Variants in HK2 observed in about 807,000 individuals in gnomAD.
HK2 encodes hexokinase 2, also known as hexokinase-2.
In HK2, 42 loss-of-function variants were observed where a neutral mutation model predicts 92.9. The observed-to-expected ratio is 0.45, with a 90% CI of 0.35 to 0.58. The LOEUF is 0.58. Among genes scored for constraint, HK2 ranks in the 20% least tolerant of loss-of-function variants. The pLI, the probability that HK2 is intolerant of heterozygous loss-of-function variation, is 0.00. For missense variants in HK2, 978 were observed against 1,245.1 expected (o/e 0.79, Z 3.23); for synonymous variants, 422 against 468.0 (o/e 0.90, Z 1.27).
chr2:74,856,224 G>A (rs917930827), intron 2 of HK2, among the ~76,000 whole-genome samples: 4 of 152,172 alleles, frequency 2.6e-5, no homozygotes, highest in African/African-American at 9.7e-5. Flanking sequence ...CAGCACATGT[G>A]TGTCCTTGAG....
intron 2 of HK2, among the ~76,000 whole-genome samples, chr2:74,859,679 T>G (rs1688774974): frequency 6.6e-6 from 1 of 152,192 alleles, no homozygotes; most frequent in South Asian, 2.1e-4. Context: ...TACACCTGTT[T>G]AATACAACCT....
chr2:74,859,209 A>G (rs758306744), intron 2 of HK2, among the ~76,000 whole-genome samples: 12 of 152,258 alleles, frequency 7.9e-5, no homozygotes, highest in Non-Finnish European at 1.8e-4. Context: ...GATGCATTAC[A>G]AAACATAAAT....
At position 74,873,381 on chromosome 2, in the gene HK2, G is replaced by A. The variant is rs76319740; in HGVS notation, c.591+10G>A. 1,206 of 1,604,128 alleles carry A rather than the reference G, an allele frequency of 7.5e-4. 8 individuals are homozygous for A. The African/African-American group carries it at 0.014, about 19-fold the overall frequency. ...CATCCAGAGGAGAGGGGTGAGTGGG[G>A]TGGCAGGAGCTTGGGGTCTGTGGGC... On this transcript the variant is annotated intron_variant, in intron 5 of 17. Coordinates refer to ENST00000290573, the MANE Select transcript of HK2 (RefSeq NM_000189.5).
intron 1 of HK2, among the ~76,000 whole-genome samples, chr2:74,843,696 T>C (rs1027473909): frequency 6.6e-6 from 1 of 152,146 alleles, no homozygotes; most frequent in African/African-American, 2.4e-5. Context: ...AAGGCCTTTT[T>C]CCCAATCCCT....
intron 1 of HK2, among the ~76,000 whole-genome samples, chr2:74,847,186 ACTTT>A (rs1374467787): frequency 6.6e-6 from 1 of 152,196 alleles, no homozygotes; most frequent in Non-Finnish European, 1.5e-5. Flanking sequence ...TTGTGGAGTA[ACTTT>A]CTTATCCTAT....
In HK2 at chr2:74,889,390, G is replaced by A; in HGVS notation, c.2521G>A (p.Val841Met). 1 of 1,614,218 alleles carries A rather than the reference G, an allele frequency of 6.2e-7. No homozygotes were observed. The highest frequency in any genetic ancestry group is 1.1e-5 in the South Asian group (1 of 91,076). The part of the protein sequence containing the change: ...AQLCGAGMAA[V>M]VDRIRENRGL... Reference sequence around the variant, plus strand: ...GCTCTGTGGCGCAGGCATGGCCGCTGTGGTGGACAGGATACGAGAAAACCG... The same window carrying A: ...GCTCTGTGGCGCAGGCATGGCCGCTATGGTGGACAGGATACGAGAAAACCG... Residue 841 changes from valine to methionine, a missense_variant, in exon 17 of 18, where the codon GTG becomes ATG. By Grantham distance (21) the Val-to-Met change is conservative. Coordinates refer to ENST00000290573, the MANE Select transcript of HK2 (RefSeq NM_000189.5).
chr2:74,889,321 A>G lies in HK2; in HGVS notation c.2452A>G (p.Ile818Val), dbSNP rs767278294. Residue 818 changes from isoleucine (I) to valine (V), a missense_variant, in exon 17 of 18, where the codon ATT becomes GTT. Transcript: ENST00000290573. ...GLESTCDDSI[I>V]VKEVCTVVAR... The stretch of plus-strand genomic sequence containing the variant: ...TGAGAGCACCTGTGACGACAGCATC[A>G]TTGTTAAGGAGGTGTGCACTGTGGT... 6.2e-7 allele frequency: 1 copy of G among 1,614,194 alleles called. No homozygotes were observed. The highest frequency in any genetic ancestry group is 1.1e-5 in the South Asian group (1 of 91,084).
chr2:74,877,709 A>G (rs1358024873), intron 8 of HK2, among the ~76,000 whole-genome samples: 2 of 152,254 alleles, frequency 1.3e-5, no homozygotes, highest in Non-Finnish European at 2.9e-5. Context: ...GGACTCTGTC[A>G]TGACCCCTGC....
chr2:74,851,110 C>A (rs1286487360), intron 1 of HK2, among the ~76,000 whole-genome samples: 1 of 152,156 alleles, frequency 6.6e-6, no homozygotes, highest in Non-Finnish European at 1.5e-5. Flanking sequence ...TGGGAGTGCC[C>A]ATCCACACTA....
Position 74,854,140 on chromosome 2 carries a change from G to A in HK2, c.64-153G>A, listed in dbSNP as rs74424717. The stretch of plus-strand genomic sequence containing the variant: ...TTTTTTTTTTTTAAGACAAAGTCCT[G>A]TCAAATCGGTTCCTACTAATGGTCT... On this transcript the variant is annotated intron_variant, in intron 1 of 17. Transcript: ENST00000290573. Among the ~76,000 whole-genome samples, 955 of 151,530 alleles carry A rather than the reference G, an allele frequency of 6.3e-3. 11 individuals are homozygous for A. Among genetic ancestry groups the A allele is most frequent in the African/African-American group, 0.021 (880 of 41,246 alleles).
chr2:74,876,767 G>A (rs1558801012), intron 7 of HK2, among the ~76,000 whole-genome samples: 1 of 152,192 alleles, frequency 6.6e-6, no homozygotes, highest in Non-Finnish European at 1.5e-5. Context: ...TATCTAATCA[G>A]ATCGCCTTTT....
chr2:74,878,539 G>T, intron 8 of HK2, 149 bp from the exon 9 acceptor site: 1 of 722,836 alleles, frequency 1.4e-6, no homozygotes, highest in African/African-American at 1.7e-5. Context: ...TCCTGCCCCT[G>T]CACAGGTGGA....
Position 74,880,262 on chromosome 2 carries a change from C to A in HK2, c.1266-3C>A, listed in dbSNP as rs747936693. Reference sequence around the variant, plus strand: ...GTCTCTTACCCGCCCTGGGGAACTGCAGTTTTGCCAAGCGTCTACATAAGA... The same window carrying A: ...GTCTCTTACCCGCCCTGGGGAACTGAAGTTTTGCCAAGCGTCTACATAAGA... On this transcript the variant is annotated splice_region_variant and splice_polypyrimidine_tract_variant and intron_variant, in intron 9 of 17. Transcript: ENST00000290573. 13 of 1,613,980 alleles carry A rather than the reference C, an allele frequency of 8.1e-6. No homozygotes were observed. In the African/African-American group the frequency reaches 1.6e-4, roughly 20 times the overall value.
intron 3 of HK2, among the ~76,000 whole-genome samples, chr2:74,871,370 C>T (rs184520218): frequency 1.3e-5 from 2 of 152,332 alleles, no homozygotes; most frequent in Admixed American, 6.5e-5. Flanking sequence ...GTCAACCTGG[C>T]CCTTGGAATC....
intron 1 of HK2, among the ~76,000 whole-genome samples, chr2:74,846,692 G>C (rs1297625230): frequency 6.6e-6 from 1 of 152,162 alleles, no homozygotes; most frequent in Non-Finnish European, 1.5e-5. Context: ...GTCTTGCACT[G>C]TTGCCCAGGC....
chr2:74,851,688 A>T (rs563718994), intron 1 of HK2, among the ~76,000 whole-genome samples: 2 of 152,134 alleles, frequency 1.3e-5, no homozygotes, highest in African/African-American at 2.4e-5. Flanking sequence ...CGGGGGCACC[A>T]AGAAGCTTCT....
chr2:74,857,257 C>G (rs1431075906), intron 2 of HK2, among the ~76,000 whole-genome samples: 1 of 152,194 alleles, frequency 6.6e-6, no homozygotes, highest in Non-Finnish European at 1.5e-5. Flanking sequence ...CCTAGCAGTT[C>G]TAGTCTGTTC....
chr2:74,859,319 A>G (rs902770037), intron 2 of HK2, among the ~76,000 whole-genome samples: 6 of 152,238 alleles, frequency 3.9e-5, no homozygotes, highest in Non-Finnish European at 5.9e-5. Flanking sequence ...CTAGAGTTCA[A>G]TATTTGCTGT....
intron 1 of HK2, among the ~76,000 whole-genome samples, chr2:74,845,074 A>G (rs1363186068): frequency 6.6e-6 from 1 of 152,204 alleles, no homozygotes; most frequent in Non-Finnish European, 1.5e-5. Flanking sequence ...GCCAACACAT[A>G]CACATTTCTA....
Sources: allele counts gnomAD v4.1 joint callset (sites outside exome capture counted in the v4.1 genomes callset), GRCh38; gene constraint gnomAD v4.1.1; transcripts MANE v1.5; gene names NCBI Gene and HGNC (gene_info 2026-07-23, HGNC 2026-07-21).